DLC1: variants seen among roughly 807,000 people sequenced by gnomAD.
DLC1 encodes rho GTPase-activating protein 7.
A neutral mutation model predicts 140.3 loss-of-function variants in DLC1; 54 were observed. The observed-to-expected ratio is 0.38, with a 90% CI of 0.31 to 0.48. The LOEUF is 0.48. Ranked by LOEUF, DLC1 falls within the 20% of genes least tolerant of loss-of-function variation. The pLI is 0.96. For missense variants in DLC1, 2,536 were observed against 1,907.0 expected (o/e 1.33, Z -6.14); for synonymous variants, 986 against 728.1 (o/e 1.35, Z -5.70).
chr8:13,495,022 G>T (rs938617693), intron 2 of DLC1, among the ~76,000 whole-genome samples: 10 of 152,098 alleles, frequency 6.6e-5, no homozygotes, highest in Non-Finnish European at 1.0e-4. Context: ...TTTGTTTTTG[G>T]AATATAAGGT....
At chr8:13,146,756 A>C (rs1199946299) in intron 5 of DLC1, among the ~76,000 whole-genome samples, 1 of 152,192 alleles carries the variant, frequency 6.6e-6, no homozygotes, top group Non-Finnish European at 1.5e-5. Flanking sequence ...AGTTATGGCA[A>C]GGTTTATAAT....
intron 2 of DLC1, among the ~76,000 whole-genome samples, chr8:13,437,445 T>C (rs1265037441): frequency 6.6e-6 from 1 of 152,228 alleles, no homozygotes; most frequent in East Asian, 1.9e-4. Flanking sequence ...AGTCAAAACA[T>C]AGAGTTCGAT....
At chr8:13,357,006 C>T (rs1021356005) in intron 4 of DLC1, among the ~76,000 whole-genome samples, 4 of 152,044 alleles carry the variant, frequency 2.6e-5, no homozygotes, top group Non-Finnish European at 4.4e-5. Context: ...AGGTGATTCA[C>T]GCCTGTAATC....
At chr8:13,534,124 G>A (rs1803190125) in intron 1 of DLC1, among the ~76,000 whole-genome samples, 1 of 151,974 alleles carries the variant, frequency 6.6e-6, no homozygotes. Context: ...CCTCCAATCT[G>A]TTTAGATATC....
chr8:13,323,539 A>G (rs188801134), intron 4 of DLC1, among the ~76,000 whole-genome samples: 95 of 152,270 alleles, frequency 6.2e-4, no homozygotes, highest in Middle Eastern at 3.4e-3. Flanking sequence ...GTTGATGGTC[A>G]TCCTTTATTA....
intron 1 of DLC1, among the ~76,000 whole-genome samples, chr8:13,554,220 A>G (rs566499866): frequency 6.6e-6 from 1 of 152,010 alleles, no homozygotes; most frequent in South Asian, 2.1e-4. Context: ...AGGCCCGCCA[A>G]CACACCCTGC....
chr8:13,378,164 A>T (rs1315251300), intron 4 of DLC1, among the ~76,000 whole-genome samples: 1 of 140,742 alleles, frequency 7.1e-6, no homozygotes, highest in Non-Finnish European at 1.6e-5. Context: ...TGTGCCATGC[A>T]TATGTAACAA....
intron 1 of DLC1, among the ~76,000 whole-genome samples, chr8:13,589,653 T>G (rs1283241407): frequency 2.0e-5 from 3 of 151,240 alleles, no homozygotes; most frequent in Non-Finnish European, 4.4e-5. Context: ...AATTGTTATG[T>G]TCATCCTTTC....
upstream of DLC1, among the ~76,000 whole-genome samples, chr8:13,518,005 C>T (rs905687799): frequency 1.1e-4 from 17 of 152,134 alleles, no homozygotes; most frequent in African/African-American, 2.9e-4. Flanking sequence ...TAAATGTATA[C>T]ATGTGAAACC....
intron 4 of DLC1, among the ~76,000 whole-genome samples, chr8:13,377,543 C>T (rs1473429509): frequency 5.3e-5 from 8 of 152,112 alleles, no homozygotes; most frequent in African/African-American, 1.7e-4. Context: ...TATGTCAAAA[C>T]TGCTTCCTTA....
chr8:13,207,873 A>G (rs575364065), intron 5 of DLC1, among the ~76,000 whole-genome samples: 5 of 152,170 alleles, frequency 3.3e-5, no homozygotes, highest in Admixed American at 1.3e-4. Flanking sequence ...ACCATGCTTT[A>G]GTGATTATGA....
At chr8:13,407,146 C>T (rs972087488) in intron 2 of DLC1, among the ~76,000 whole-genome samples, 1 of 152,156 alleles carries the variant, frequency 6.6e-6, no homozygotes, top group African/African-American at 2.4e-5. Context: ...CTAAGATGTC[C>T]AAGCCCATGG....
Position 13,092,839 on chromosome 8 carries a change from G to C in DLC1, c.3527-14C>G. 1 of 1,606,536 alleles carries C rather than the reference G, an allele frequency of 6.2e-7. No individual in the cohort carries two copies. On this transcript the variant is annotated splice_polypyrimidine_tract_variant and intron_variant, in intron 12 of 17. Coordinates refer to ENST00000276297, the MANE Select transcript of DLC1 (RefSeq NM_182643.3). ...CCTTGGGCACATCTGCACGACACCA[G>C]CACTTTCTCCATCAGCTTGGTGAAT...
At chr8:13,529,808 T>C (rs1458427586) in intron 1 of DLC1, among the ~76,000 whole-genome samples, 1 of 152,166 alleles carries the variant, frequency 6.6e-6, no homozygotes, top group Non-Finnish European at 1.5e-5. Flanking sequence ...CAAATATTTG[T>C]TACTCTCCTG....
chr8:13,252,804 T>C (rs1327019227), intron 5 of DLC1, among the ~76,000 whole-genome samples: 1 of 152,230 alleles, frequency 6.6e-6, no homozygotes, highest in Non-Finnish European at 1.5e-5. Flanking sequence ...TCTTAAGGTC[T>C]CTGACCAAAT....
At chr8:13,344,366 G>A (rs905286129) in intron 4 of DLC1, among the ~76,000 whole-genome samples, 6 of 152,136 alleles carry the variant, frequency 3.9e-5, no homozygotes, top group African/African-American at 1.4e-4. Context: ...GGTGGCACAT[G>A]CCTGTAATCC....
At position 13,312,562 on chromosome 8, in the gene DLC1, C is replaced by G. The variant is rs543948583; in HGVS notation, c.1315-7260G>C. Among the ~76,000 whole-genome samples, 168 of 151,602 alleles carry G rather than the reference C, an allele frequency of 1.1e-3. 1 individual carries two copies. In the South Asian group the frequency reaches 0.013, roughly 12 times the overall value. On this transcript the variant is annotated intron_variant, in intron 4 of 17. Coordinates refer to ENST00000276297, the MANE Select transcript of DLC1 (RefSeq NM_182643.3). ...TCAGATATATTTTCATCTTATAAAT[C>G]CTTTTCAGAATTTAATAAATCATGT... is the stretch of plus-strand genomic sequence containing the variant.
At chr8:13,429,249 T>A (rs932502440) in intron 2 of DLC1, among the ~76,000 whole-genome samples, 1 of 152,168 alleles carries the variant, frequency 6.6e-6, no homozygotes, top group African/African-American at 2.4e-5. Context: ...ACCTGGCCAT[T>A]TGCAGTTTAT....
chr8:13,115,002 T>C (rs916314461), intron 6 of DLC1, among the ~76,000 whole-genome samples: 5 of 152,186 alleles, frequency 3.3e-5, no homozygotes, highest in African/African-American at 7.2e-5. Flanking sequence ...TCATTATGCA[T>C]GTACCACAAA....
Sources: gnomAD v4.1 joint callset for allele counts (sites outside exome capture counted in the v4.1 genomes callset) on GRCh38, gnomAD v4.1.1 for gene constraint, MANE v1.5 for transcripts, NCBI Gene and HGNC (gene_info 2026-07-23, HGNC 2026-07-21) for gene names.